CBY1: variants seen among roughly 807,000 people sequenced by gnomAD.
CBY1 encodes protein chibby homolog 1.
CBY1 carries 10 observed loss-of-function variants against 15.6 expected under a neutral mutation model. That is an observed-to-expected ratio of 0.64 (90% CI 0.40 to 1.09). The LOEUF (loss-of-function observed/expected upper bound fraction) is 1.09, where lower values mean the gene tolerates loss of function less well. CBY1 is among the 50% of genes least tolerant of loss of function. The pLI, the probability that CBY1 is intolerant of heterozygous loss-of-function variation, is 0.01. For synonymous variants in CBY1, 61 were observed against 63.5 expected (o/e 0.96, Z 0.19); for missense variants, 150 against 160.5 (o/e 0.93, Z 0.35).
At chr22:38,670,062 C>G (rs2092448022) in intron 2 of CBY1, 1 of 152,214 alleles carries the variant, frequency 6.6e-6, no homozygotes, top group African/African-American at 2.4e-5. Flanking sequence ...AACCCTGTCT[C>G]TACTAAAAAA....
At chr22:38,669,214 C>T (rs1051650703) in intron 2 of CBY1, among the ~76,000 whole-genome samples, 4 of 152,132 alleles carry the variant, frequency 2.6e-5, no homozygotes, top group Admixed American at 2.0e-4. Context: ...TACAGGATAA[C>T]CACCCAGATC....
At chr22:38,665,568 GAACA>G (rs2092433550) in intron 1 of CBY1, 1 of 423,542 alleles carries the variant, frequency 2.4e-6, no homozygotes. Context: ...CAATGCAAAT[GAACA>G]AACTATAACT....
chr22:38,657,491 A>T (rs1443909354), intron 1 of CBY1, among the ~76,000 whole-genome samples: 1 of 152,224 alleles, frequency 6.6e-6, no homozygotes, highest in Non-Finnish European at 1.5e-5. Flanking sequence ...CACTAGAAAG[A>T]AGGTTGCCAT....
intron 4 of CBY1, among the ~76,000 whole-genome samples, chr22:38,672,228 C>A (rs1165119630): frequency 6.6e-6 from 1 of 150,538 alleles, no homozygotes; most frequent in Non-Finnish European, 1.5e-5. Context: ...CGCCACTGTA[C>A]TCTAGCCTGG....
chr22:38,669,342 C>G (rs568006478), intron 2 of CBY1, among the ~76,000 whole-genome samples: 2 of 152,254 alleles, frequency 1.3e-5, no homozygotes, highest in South Asian at 2.1e-4. Context: ...TCTGCGCACG[C>G]TACTCCTTCT....
chr22:38,658,617 CA>C (rs1603112148), intron 1 of CBY1, among the ~76,000 whole-genome samples: 1 of 151,884 alleles, frequency 6.6e-6, no homozygotes, highest in East Asian at 1.9e-4. Context: ...GATGGGACTA[CA>C]GGCTCCTGCC....
chr22:38,667,759 C>A, intron 1 of CBY1: 1 of 379,338 alleles, frequency 2.6e-6, no homozygotes, highest in Non-Finnish European at 4.8e-6. Context: ...GCCAGGAGCC[C>A]ACGCCAGAGA....
At chr22:38,666,129 C>A (rs776765177) in intron 1 of CBY1, among the ~76,000 whole-genome samples, 1 of 151,350 alleles carries the variant, frequency 6.6e-6, no homozygotes, top group South Asian at 2.1e-4. Context: ...TAAACCACCA[C>A]GCCTGGCCCT....
At position 38,673,201 on chromosome 22, in the gene CBY1, C is replaced by T. The variant is rs193920893; in HGVS notation, c.346C>T (p.Leu116=). 1.2e-6 allele frequency: 2 copies of T among 1,612,704 alleles called. No individual in the cohort carries two copies. The highest frequency in any genetic ancestry group is 1.7e-6 in the Non-Finnish European group (2 of 1,178,730). Residue 116 remains leucine (L), a synonymous_variant, in exon 5 of 5, where the codon CTG becomes TTG. Coordinates refer to ENST00000216029, the MANE Select transcript of CBY1 (RefSeq NM_015373.4). ...TGAATCCCACTTAATGGAGAAGGAA[C>T]TGGATGAACTGAGGATCAGCCGGAA... The part of the protein sequence containing the change: ...TAESHLMEKE[L]DELRISRKRK
In CBY1 at chr22:38,670,881, C is replaced by T. The variant is rs1406335638; in HGVS notation, c.79-3C>T. 1 of 1,611,558 alleles carries T rather than the reference C, an allele frequency of 6.2e-7. No individual in the cohort carries two copies. The highest frequency in any genetic ancestry group is 8.5e-7 in the Non-Finnish European group (1 of 1,177,916). ...AAGTTGTCACATAGCATCTCGCCCA[C>T]AGTTGGATCGATCAACCCGGGAGGT... On this transcript the variant is annotated splice_region_variant and splice_polypyrimidine_tract_variant and intron_variant, in intron 2 of 4. Transcript: ENST00000216029.
At chr22:38,672,322 T>G (rs1320899213) in intron 4 of CBY1, among the ~76,000 whole-genome samples, 1 of 151,812 alleles carries the variant, frequency 6.6e-6, no homozygotes, top group Non-Finnish European at 1.5e-5. Context: ...TTTTTATTTT[T>G]ATTTATTTAT....
intron 1 of CBY1, among the ~76,000 whole-genome samples, chr22:38,664,578 A>G (rs766306365): frequency 5.0e-4 from 76 of 152,198 alleles, no homozygotes; most frequent in Non-Finnish European, 9.3e-4. Context: ...TTATTTGGGA[A>G]AAGCAAATTA....
In CBY1 at chr22:38,670,953, C is replaced by A. The variant is rs760003591; in HGVS notation, c.148C>A (p.Gln50Lys). Reference sequence around the variant, plus strand: ...ATCCCCGACTATGAACCTGGCAGGGCAAAGCCTGAAGTTTGAAAATGGCCA... The same window carrying A: ...ATCCCCGACTATGAACCTGGCAGGGAAAAGCCTGAAGTTTGAAAATGGCCA... Reference protein sequence around the residue: ...YGSPTMNLAGQSLKFENGQWI... With the variant: ...YGSPTMNLAGKSLKFENGQWI... The change falls in exon 3 of 5, where the codon CAA becomes AAA. Residue 50 changes from glutamine to lysine, a missense_variant. Coordinates refer to ENST00000216029, the MANE Select transcript of CBY1 (RefSeq NM_015373.4). 2 of 1,614,200 alleles carry A rather than the reference C, an allele frequency of 1.2e-6. No individual in the cohort carries two copies. Among genetic ancestry groups the A allele is most frequent in the Non-Finnish European group, 1.7e-6 (2 of 1,180,024 alleles).
At chr22:38,659,521 AT>A (rs1331388317) in intron 1 of CBY1, among the ~76,000 whole-genome samples, 4 of 152,078 alleles carry the variant, frequency 2.6e-5, no homozygotes, top group Non-Finnish European at 5.9e-5. Context: ...AAGTGCTGAG[AT>A]TATAGGCATG....
chr22:38,660,874 T>G (rs1466435313), intron 1 of CBY1, among the ~76,000 whole-genome samples: 1 of 152,070 alleles, frequency 6.6e-6, no homozygotes, highest in Non-Finnish European at 1.5e-5. Flanking sequence ...ACTTTATTCA[T>G]GGATATTCCT....
chr22:38,662,956 C>G (rs2092426084), intron 1 of CBY1, among the ~76,000 whole-genome samples: 1 of 151,978 alleles, frequency 6.6e-6, no homozygotes, highest in Admixed American at 6.6e-5. Context: ...ACCATCTCTG[C>G]TAAAAGTACA....
chr22:38,671,498 T>C (rs1701791275), intron 4 of CBY1: 1 of 360,338 alleles, frequency 2.8e-6, no homozygotes, highest in East Asian at 6.3e-5. Flanking sequence ...GAGCTGAATG[T>C]GGAAGGATAA....
At chr22:38,662,565 A>G (rs1385755441) in intron 1 of CBY1, among the ~76,000 whole-genome samples, 1 of 151,948 alleles carries the variant, frequency 6.6e-6, no homozygotes, top group Admixed American at 6.6e-5. Context: ...ATCTCAGCTC[A>G]CTGCAACCTC....
intron 4 of CBY1, among the ~76,000 whole-genome samples, chr22:38,672,454 G>A (rs912156471): frequency 2.6e-5 from 4 of 151,746 alleles, no homozygotes; most frequent in Non-Finnish European, 4.4e-5. Flanking sequence ...TCAGCCTCCT[G>A]ATTAGCACCC....
Sources: allele counts gnomAD v4.1 joint callset (sites outside exome capture counted in the v4.1 genomes callset), GRCh38; gene constraint gnomAD v4.1.1; transcripts MANE v1.5; gene names NCBI Gene and HGNC (gene_info 2026-07-23, HGNC 2026-07-21).